SUCO: variants seen among roughly 807,000 people sequenced by gnomAD.
SUCO encodes the protein SUN domain containing ossification factor, also known as SUN domain-containing ossification factor.
A neutral mutation model predicts 148.1 loss-of-function variants in SUCO; 57 were observed. The observed-to-expected ratio is 0.38, with a 90% CI of 0.31 to 0.48. The LOEUF (loss-of-function observed/expected upper bound fraction) is 0.48, where lower values mean the gene tolerates loss of function less well. SUCO is among the 20% of genes least tolerant of loss of function. The probability of loss-of-function intolerance (pLI) is 0.96; values close to 1 mark genes in which losing one functional copy is unlikely to be tolerated. For missense variants in SUCO, 1,331 were observed against 1,468.2 expected (o/e 0.91, Z 1.53); for synonymous variants, 470 against 502.7 (o/e 0.93, Z 0.87).
At chr1:172,590,905 A>C in intron 18 of SUCO, 79 bp from the exon 19 acceptor site, 1 of 1,005,654 alleles carries the variant, frequency 9.9e-7, no homozygotes, top group Non-Finnish European at 1.5e-6. Context: ...CTCATATATC[A>C]AAATCAGAAG....
Position 172,588,787 on chromosome 1 carries a change from T to C in SUCO, c.1686T>C (p.His562=), listed in dbSNP as rs745444590. Residue 562 remains histidine, a synonymous_variant, in exon 18 of 24, where the codon CAT becomes CAC. Coordinates refer to ENST00000263688, the MANE Select transcript of SUCO (RefSeq NM_014283.5). Reference sequence around the variant, plus strand: ...ATGTAACCACTGAAGTACACACACATGACATGGAGCCGTCAACACCAGATA... The same window carrying C: ...ATGTAACCACTGAAGTACACACACACGACATGGAGCCGTCAACACCAGATA... ...PEYVTTEVHT[H]DMEPSTPDTP... 6.4e-7 allele frequency: 1 copy of C among 1,552,572 alleles called. No homozygotes were observed. Among genetic ancestry groups the C allele is most frequent in the Non-Finnish European group, 8.7e-7 (1 of 1,151,524 alleles).
chr1:172,593,382 G>A (rs1034641202), intron 19 of SUCO, among the ~76,000 whole-genome samples: 13 of 152,118 alleles, frequency 8.5e-5, no homozygotes, highest in South Asian at 4.1e-4. Context: ...TCCAGTTTTT[G>A]TCCATTCAGT....
intron 23 of SUCO, 86 bp from the exon 24 acceptor site, chr1:172,609,730 C>T: frequency 2.6e-6 from 4 of 1,513,560 alleles, no homozygotes; most frequent in Non-Finnish European, 3.5e-6. Context: ...GGAGGTGGCA[C>T]TTCTCTATTA....
intron 22 of SUCO, among the ~76,000 whole-genome samples, chr1:172,606,515 T>C (rs1441618639): frequency 2.0e-5 from 3 of 151,796 alleles, no homozygotes; most frequent in East Asian, 3.8e-4. Context: ...GCCTTATTTA[T>C]GTTACTGTTC....
intron 6 of SUCO, among the ~76,000 whole-genome samples, chr1:172,559,698 A>G (rs1467331920): frequency 6.6e-6 from 1 of 152,188 alleles, no homozygotes; most frequent in African/African-American, 2.4e-5. Context: ...AGAAATTTCT[A>G]GGGAAAAGGT....
chr1:172,565,716 A>G (rs756871051), intron 6 of SUCO, among the ~76,000 whole-genome samples: 1 of 152,222 alleles, frequency 6.6e-6, no homozygotes, highest in African/African-American at 2.4e-5. Context: ...TGCCACACAC[A>G]GTTGACAGAA....
intron 19 of SUCO, among the ~76,000 whole-genome samples, chr1:172,594,221 A>G (rs1013292151): frequency 2.0e-5 from 3 of 148,688 alleles, no homozygotes; most frequent in African/African-American, 7.4e-5. Context: ...TTTTCAAAAA[A>G]CCAGCTCCTG....
At chr1:172,572,308 T>A (rs1234619073) in intron 9 of SUCO, among the ~76,000 whole-genome samples, 4 of 151,676 alleles carry the variant, frequency 2.6e-5, no homozygotes, top group Admixed American at 6.6e-5. Flanking sequence ...GCCATGTCTG[T>A]GTGGAAAGAG....
intron 23 of SUCO, among the ~76,000 whole-genome samples, chr1:172,609,045 A>G (rs899948729): frequency 2.6e-5 from 4 of 152,096 alleles, no homozygotes; most frequent in Non-Finnish European, 5.9e-5. Context: ...ACAGCATGCA[A>G]GAGAGAAAAT....
chr1:172,562,327 ATTTTTTTTTT>A (rs34871543), intron 6 of SUCO, among the ~76,000 whole-genome samples: 1 of 137,706 alleles, frequency 7.3e-6, no homozygotes, highest in East Asian at 2.1e-4. Flanking sequence ...GGGTTTTAAC[ATTTTTTTTTT>A]TTTTTTTTTT....
Position 172,551,646 on chromosome 1 carries a change from C to T in SUCO, c.177+20C>T. On this transcript the variant is annotated intron_variant, in intron 2 of 23. Coordinates refer to ENST00000263688, the MANE Select transcript of SUCO (RefSeq NM_014283.5). ...AAAAAGGTGCCTTAAATAAAGTTAA[C>T]ATTATAATTTGTGTGTCAGCTTTCT... 1 of 1,475,732 alleles carries T rather than the reference C, an allele frequency of 6.8e-7. No homozygotes were observed. The highest frequency in any genetic ancestry group is 9.4e-7 in the Non-Finnish European group (1 of 1,064,812). The allele number at this position is 1,475,732 out of a possible 1,614,324, so 91.4% of individuals were successfully genotyped here.
intron 1 of SUCO, among the ~76,000 whole-genome samples, chr1:172,534,416 A>G (rs1430310931): frequency 6.6e-6 from 1 of 152,242 alleles, no homozygotes; most frequent in Non-Finnish European, 1.5e-5. Flanking sequence ...ATAGAAATTA[A>G]GTTTCCTGTT....
chr1:172,576,977 C>A, intron 11 of SUCO: 1 of 675,378 alleles, frequency 1.5e-6, no homozygotes, highest in Non-Finnish European at 1.8e-6. Flanking sequence ...TGGTATATAT[C>A]TTCCACTTCT....
Position 172,576,520 on chromosome 1 carries a change from TC to T in SUCO, c.1263+898del, listed in dbSNP as rs547041605. ...TCTCAGTTAATTCAAAATTATTAGT[TC>T]AAAAAAATTAAGGAATGTTTTCAAT... On this transcript the variant is annotated intron_variant, in intron 11 of 23. Coordinates refer to ENST00000263688, the MANE Select transcript of SUCO (RefSeq NM_014283.5). Among the ~76,000 whole-genome samples the T allele has an allele frequency of 7.2e-3, 1,100 of 151,796 alleles. 8 individuals are homozygous for T. The highest frequency in any genetic ancestry group is 0.025 in the African/African-American group (1,047 of 41,534).
chr1:172,598,399 T>C (rs1657272260), intron 19 of SUCO, among the ~76,000 whole-genome samples: 1 of 152,214 alleles, frequency 6.6e-6, no homozygotes, highest in Admixed American at 6.5e-5. Flanking sequence ...ATTTTATTCT[T>C]TTACAAGATT....
At chr1:172,546,656 C>A (rs190889919) in intron 1 of SUCO, among the ~76,000 whole-genome samples, 19 of 152,334 alleles carry the variant, frequency 1.2e-4, no homozygotes, top group Non-Finnish European at 1.5e-5. Flanking sequence ...CACCTGTAAT[C>A]CCAGCACTTT....
At chr1:172,572,431 G>A (rs1655097844) in intron 9 of SUCO, among the ~76,000 whole-genome samples, 1 of 151,920 alleles carries the variant, frequency 6.6e-6, no homozygotes, top group Non-Finnish European at 1.5e-5. Flanking sequence ...AACATGTGCT[G>A]TGTCCACTCA....
Position 172,589,695 on chromosome 1 carries a change from TAAA to T in SUCO, c.2596_2598del (p.Lys866del). 1 of 1,613,718 alleles carries T rather than the reference TAAA, an allele frequency of 6.2e-7. No homozygotes were observed. Among genetic ancestry groups the T allele is most frequent in the Non-Finnish European group, 8.5e-7 (1 of 1,179,754 alleles). Reference sequence around the variant, plus strand: ...GTGGATTCTTCTTCATTACCTGAAGTAAAAGAAGAAGAACAGTCTCCAGAAGAT... The same window carrying T: ...GTGGATTCTTCTTCATTACCTGAAGTAGAAGAAGAACAGTCTCCAGAAGAT... On this transcript the variant is annotated inframe_deletion, in exon 18 of 24. Coordinates refer to ENST00000263688, the MANE Select transcript of SUCO (RefSeq NM_014283.5).
At chr1:172,558,936 C>A (rs527593212) in intron 6 of SUCO, among the ~76,000 whole-genome samples, 2 of 152,100 alleles carry the variant, frequency 1.3e-5, no homozygotes, top group Non-Finnish European at 2.9e-5. Context: ...CTATGCTAAT[C>A]GGCAAAAGAG....
Sources: allele counts gnomAD v4.1 joint callset (sites outside exome capture counted in the v4.1 genomes callset), GRCh38; gene constraint gnomAD v4.1.1; transcripts MANE v1.5; gene names NCBI Gene and HGNC (gene_info 2026-07-23, HGNC 2026-07-21).